The following MACROH2A1 variants were observed in gnomAD, a reference collection of about 807,000 sequenced individuals.
MACROH2A1 encodes the protein macroH2A.1 histone.
Under a neutral mutation model 31.6 loss-of-function variants are expected in MACROH2A1, and 2 were observed. The observed-to-expected ratio is 0.06, with a 90% CI of 0.03 to 0.20. The LOEUF (loss-of-function observed/expected upper bound fraction) is 0.20. Ranked by LOEUF, MACROH2A1 falls within the 10% of genes least tolerant of loss-of-function variation. MACROH2A1 has a pLI of 1.00. For synonymous variants in MACROH2A1, 169 were observed against 189.6 expected (o/e 0.89, Z 0.89); for missense variants, 230 against 474.0 (o/e 0.49, Z 4.78).
intron 4 of MACROH2A1, chr5:135,360,913 G>C (rs924838314): frequency 1.4e-5 from 7 of 490,338 alleles, no homozygotes; most frequent in Admixed American, 8.9e-5. Context: ...CCAAGTAAAT[G>C]TCTCTTAATT....
intron 8 of MACROH2A1, among the ~76,000 whole-genome samples, chr5:135,336,964 G>A (rs1241561842): frequency 1.3e-5 from 2 of 152,224 alleles, no homozygotes; most frequent in Admixed American, 6.5e-5. Context: ...GTACTTAGGG[G>A]CCAAGGGCTT....
intron 6 of MACROH2A1, among the ~76,000 whole-genome samples, chr5:135,349,556 C>T (rs1761263176): frequency 6.6e-6 from 1 of 152,082 alleles, no homozygotes; most frequent in Non-Finnish European, 1.5e-5. Flanking sequence ...GAAGACTGAA[C>T]AGCAGTCTTT....
At position 135,346,075 on chromosome 5, in the gene MACROH2A1, G is replaced by A. The variant is rs1160511125; in HGVS notation, c.689-18C>T. Reference sequence around the variant, plus strand: ...CGTGTTTCCTAGACAAGGACAGGGTGGGGTCAGGTTGCCATTCTGTGTCTC... The same window carrying A: ...CGTGTTTCCTAGACAAGGACAGGGTAGGGTCAGGTTGCCATTCTGTGTCTC... On this transcript the variant is annotated intron_variant, in intron 6 of 8. Coordinates refer to ENST00000511689, the MANE Select transcript of MACROH2A1 (RefSeq NM_138610.3). The A allele has an allele frequency of 7.0e-6, 11 of 1,568,266 alleles. No individual in the cohort carries two copies. Among genetic ancestry groups the A allele is most frequent in the Non-Finnish European group, 9.7e-6 (11 of 1,138,158 alleles).
chr5:135,398,903 C>T lies in MACROH2A1; in HGVS notation c.-34+159G>A, dbSNP rs1173902740. ...CGACAAGGCCTGGGAGGACGTAGTG[C>T]ACGCGCGAGGACCCGGCGTGGGCCA... On this transcript the variant is annotated intron_variant, in intron 1 of 8. Transcript: ENST00000511689. The surrounding 1 kb of genome is among the most constrained non-coding windows in gnomAD (Gnocchi z 4.6). Among the ~76,000 whole-genome samples the T allele has an allele frequency of 6.6e-6, 1 of 150,974 alleles. No homozygotes were observed. The highest frequency in any genetic ancestry group is 2.4e-5 in the African/African-American group (1 of 41,200).
chr5:135,339,453 A>G (rs1759398293), intron 8 of MACROH2A1, among the ~76,000 whole-genome samples: 1 of 152,176 alleles, frequency 6.6e-6, no homozygotes, highest in Admixed American at 6.5e-5. Flanking sequence ...CCAGGCAGGT[A>G]TGCAGCAAAT....
Position 135,360,604 on chromosome 5 carries a change from T to G in MACROH2A1, c.481A>C (p.Lys161Gln), listed in dbSNP as rs1159266041. Reference sequence around the variant, plus strand: ...GCTGCCTTACTGACTTCACCCTGCTTCTTCTTGCACAGACGGAAGGGTCAG... The same window carrying G: ...GCTGCCTTACTGACTTCACCCTGCTGCTTCTTGCACAGACGGAAGGGTCAG... ...GKKGARKSKKKQGEVSKAASA... is the reference protein window; with the variant it reads ...GKKGARKSKKQQGEVSKAASA... Residue 161 changes from lysine to glutamine, a missense_variant, in exon 5 of 9, where the codon AAG (lysine) becomes CAG (glutamine). Transcript: ENST00000511689. 6.2e-7 allele frequency: 1 copy of G among 1,610,800 alleles called. No individual in the cohort carries two copies. The highest frequency in any genetic ancestry group is 1.1e-5 in the South Asian group (1 of 91,008).
chr5:135,381,629 G>A (rs1765663092), intron 2 of MACROH2A1, among the ~76,000 whole-genome samples: 1 of 151,970 alleles, frequency 6.6e-6, no homozygotes, highest in South Asian at 2.1e-4. Context: ...AAAAGGCCAA[G>A]CAGATTCAAA....
chr5:135,396,561 C>G (rs1163399259), intron 1 of MACROH2A1, among the ~76,000 whole-genome samples: 1 of 152,104 alleles, frequency 6.6e-6, no homozygotes, highest in Non-Finnish European at 1.5e-5. Flanking sequence ...CCCCAGGCCT[C>G]AAACACTTGT....
intron 1 of MACROH2A1, among the ~76,000 whole-genome samples, chr5:135,395,893 T>G (rs1235556241): frequency 6.6e-6 from 1 of 152,196 alleles, no homozygotes; most frequent in Admixed American, 6.5e-5. Flanking sequence ...ACAGACCAAC[T>G]GAGATAGTAA....
chr5:135,389,700 G>T lies in MACROH2A1; in HGVS notation c.-33-574C>A, dbSNP rs1007978018. ...CCAATCTTTAGAGAAGAGAGAGAGA[G>T]GTGTTTTTTCCTTCCTTGCTCCCAA... On this transcript the variant is annotated intron_variant, in intron 1 of 8. Coordinates refer to ENST00000511689, the MANE Select transcript of MACROH2A1 (RefSeq NM_138610.3). Among the ~76,000 whole-genome samples the T allele has an allele frequency of 2.6e-5, 4 of 152,234 alleles. No homozygotes were observed. The East Asian group carries it at 5.8e-4, about 22-fold the overall frequency.
At chr5:135,340,670 G>A (rs1042118067) in intron 8 of MACROH2A1, among the ~76,000 whole-genome samples, 1 of 152,158 alleles carries the variant, frequency 6.6e-6, no homozygotes, top group Non-Finnish European at 1.5e-5. Context: ...CTTTACCAAT[G>A]GCTCTTTCCC....
chr5:135,345,919 A>G (rs749775785), intron 7 of MACROH2A1, 49 bp downstream of exon 7: 15 of 1,252,114 alleles, frequency 1.2e-5, no homozygotes, highest in Non-Finnish European at 1.6e-5. Flanking sequence ...GGCTTTCCTA[A>G]TACTGCATGT....
intron 6 of MACROH2A1, chr5:135,347,199 T>TA (rs1274229200): frequency 6.6e-6 from 1 of 152,208 alleles, no homozygotes. Context: ...TGACCAGGGT[T>TA]AATTATCTTA....
At chr5:135,360,792 G>A (rs1297572033) in intron 4 of MACROH2A1, 185 bp from the exon 5 acceptor site, 2 of 696,062 alleles carry the variant, frequency 2.9e-6, no homozygotes, top group African/African-American at 1.8e-5. Context: ...TGTGGAGTGT[G>A]TTAAGTTATA....
At chr5:135,339,243 T>C (rs1004767495) in intron 8 of MACROH2A1, among the ~76,000 whole-genome samples, 69 of 152,202 alleles carry the variant, frequency 4.5e-4, no homozygotes, top group Non-Finnish European at 5.9e-5. Flanking sequence ...CCAGGGCCAG[T>C]GCAAGATGCC....
intron 5 of MACROH2A1, chr5:135,354,295 A>C (rs1761923096): frequency 6.6e-6 from 1 of 152,262 alleles, no homozygotes; most frequent in Non-Finnish European, 1.5e-5. Flanking sequence ...CTGGCACTCC[A>C]GAAGTATCGG....
At chr5:135,358,006 T>TA (rs2149793795) in intron 5 of MACROH2A1, 3 of 985,218 alleles carry the variant, frequency 3.0e-6, no homozygotes, top group Non-Finnish European at 3.6e-6. Flanking sequence ...ATGAGATTCA[T>TA]AGGACACAGG....
chr5:135,399,128 G>C lies in MACROH2A1; in HGVS notation c.-100C>G, dbSNP rs1446696720. 6.6e-6 allele frequency: 1 copy of C among 152,034 alleles called. No homozygotes were observed. Among genetic ancestry groups the C allele is most frequent in the Non-Finnish European group, 1.5e-5 (1 of 68,004 alleles). The allele number at this position is 152,034 out of a possible 1,614,324, so 9.4% of individuals were successfully genotyped here. A position where few individuals can be genotyped will look rare whatever the true frequency, so the allele number is the denominator to read the frequency against. Reference sequence around the variant, plus strand: ...GGCCTGAGCCCTCCTGGCCGCTCGCGCCTTTTCTCTCCGCGCTCCTCGCTG... The same window carrying C: ...GGCCTGAGCCCTCCTGGCCGCTCGCCCCTTTTCTCTCCGCGCTCCTCGCTG... On this transcript the variant is annotated 5_prime_UTR_variant, in exon 1 of 9. Transcript: ENST00000511689. The surrounding 1 kb of genome is among the most constrained non-coding windows in gnomAD (Gnocchi z 4.5).
At chr5:135,372,238 CAG>C (rs1458529298) in intron 2 of MACROH2A1, among the ~76,000 whole-genome samples, 1 of 152,176 alleles carries the variant, frequency 6.6e-6, no homozygotes, top group Admixed American at 6.5e-5. Flanking sequence ...GCCAGTGATA[CAG>C]AGAGTGATAA....
Sources: gnomAD v4.1 joint callset for allele counts (sites outside exome capture counted in the v4.1 genomes callset) on GRCh38, gnomAD v4.1.1 for gene constraint, Gnocchi (gnomAD v3.1) non-coding constraint, MANE v1.5 for transcripts, NCBI Gene and HGNC (gene_info 2026-07-23, HGNC 2026-07-21) for gene names.